The following PHF8 variants were observed in gnomAD, a reference collection of about 807,000 sequenced individuals.
PHF8 encodes histone lysine demethylase PHF8.
In PHF8, 9 loss-of-function variants were observed where a neutral mutation model predicts 74.4. The ratio of observed to expected loss-of-function variants is 0.12; its 90% CI spans 0.07 to 0.21. The LOEUF is 0.21. PHF8 is among the 10% of genes least tolerant of loss of function. The pLI, the probability that PHF8 is intolerant of heterozygous loss-of-function variation, is 1.00. For synonymous variants in PHF8, 311 were observed against 316.6 expected, an observed-to-expected ratio of 0.98 and a Z score of 0.19; for missense variants, 478 against 816.6, an observed-to-expected ratio of 0.59 and a Z score of 5.05.
Position 53,985,001 on chromosome X carries a change from A to C in PHF8, c.2356T>G (p.Trp786Gly). ...TCCTCCTCCTCGCTCTCGGTTCTCCAGTATGCTGGCCGCTTGATGGGCCGC... is the reference window on the plus strand; with the variant it reads ...TCCTCCTCCTCGCTCTCGGTTCTCCCGTATGCTGGCCGCTTGATGGGCCGC... ...GKRPIKRPAY[W>G]RTESEEEEEN... The change falls in exon 18 of 22, where the codon TGG (tryptophan) becomes GGG (glycine). Residue 786 changes from tryptophan (W) to glycine (G), a missense_variant. Trp to Gly is a radical substitution (Grantham distance 184). Coordinates refer to ENST00000338154, the MANE Select transcript of PHF8 (RefSeq NM_015107.3). 8.3e-7 allele frequency: 1 copy of C among 1,210,926 alleles called. No individual in the cohort carries two copies. Among genetic ancestry groups the C allele is most frequent in the Non-Finnish European group, 1.1e-6 (1 of 894,808 alleles).
intron 2 of PHF8, among the ~76,000 whole-genome samples, chrX:54,034,521 T>C (rs1178439431): frequency 9.0e-6 from 1 of 111,581 alleles, no homozygotes; most frequent in Non-Finnish European, 1.9e-5. Context: ...TTGCCAACAC[T>C]TATCCTAAAA....
intron 8 of PHF8, among the ~76,000 whole-genome samples, chrX:54,007,866 C>A (rs1052828107): frequency 1.8e-5 from 2 of 111,849 alleles, no homozygotes; most frequent in Admixed American, 1.9e-4. Context: ...AAGTTAAACA[C>A]AGAGTTACAT....
At chrX:53,973,822 C>T (rs190233215) in intron 18 of PHF8, among the ~76,000 whole-genome samples, 1 of 111,724 alleles carries the variant, frequency 9.0e-6, no homozygotes, top group East Asian at 2.8e-4. Context: ...AGAGCTTCTG[C>T]ACATCAAAAG....
intron 2 of PHF8, among the ~76,000 whole-genome samples, chrX:54,031,892 G>C (rs939294588): frequency 2.2e-4 from 25 of 111,718 alleles, no homozygotes; most frequent in Non-Finnish European, 9.4e-5. Flanking sequence ...CCCATCCCCA[G>C]ACATCTTGAT....
chrX:53,972,899 C>T (rs1180566191), intron 18 of PHF8, among the ~76,000 whole-genome samples: 13 of 111,460 alleles, frequency 1.2e-4, no homozygotes, highest in Non-Finnish European at 2.3e-4. Context: ...TAGAAAACCC[C>T]ATCACCTCAG....
At chrX:53,972,334 A>G (rs1157302868) in intron 18 of PHF8, among the ~76,000 whole-genome samples, 18 of 107,384 alleles carry the variant, frequency 1.7e-4, no homozygotes, top group African/African-American at 6.1e-4. Flanking sequence ...AAAAAAAAAA[A>G]AAAAAAAAAA....
chrX:54,047,579 T>C (rs2066639975), upstream of PHF8, among the ~76,000 whole-genome samples: 1 of 111,893 alleles, frequency 8.9e-6, no homozygotes, highest in Non-Finnish European at 1.9e-5. Flanking sequence ...TTCATTAATA[T>C]GTGAATTTCA....
intron 2 of PHF8, among the ~76,000 whole-genome samples, chrX:54,038,109 T>G (rs1224323981): frequency 8.9e-6 from 1 of 111,940 alleles, no homozygotes; most frequent in Non-Finnish European, 1.9e-5. Flanking sequence ...TTTTCTCCAC[T>G]ATTGTACAGC....
At chrX:53,958,833 A>T (rs1557089778) in intron 19 of PHF8, among the ~76,000 whole-genome samples, 2 of 107,764 alleles carry the variant, frequency 1.9e-5, no homozygotes, top group African/African-American at 6.8e-5. Context: ...CAGGTGGGTA[A>T]GTAGAAGGCT....
chrX:53,952,805 C>A (rs1226062902), intron 19 of PHF8, among the ~76,000 whole-genome samples: 1 of 106,558 alleles, frequency 9.4e-6, no homozygotes, highest in African/African-American at 3.4e-5. Context: ...ATGGCGTGAA[C>A]CCGGGAGGCA....
chrX:53,965,270 C>T (rs1010003367), intron 18 of PHF8, among the ~76,000 whole-genome samples: 4 of 112,284 alleles, frequency 3.6e-5, no homozygotes, highest in African/African-American at 1.3e-4. Context: ...TGTCCCTCCA[C>T]TGAAACAACC....
chrX:53,956,530 A>T (rs1557088726), intron 19 of PHF8, among the ~76,000 whole-genome samples: 1 of 111,968 alleles, frequency 8.9e-6, no homozygotes, highest in African/African-American at 3.2e-5. Flanking sequence ...TTAGATATTT[A>T]AAAATTATGC....
chrX:54,036,571 C>CAAAAAAAAAA, intron 2 of PHF8, among the ~76,000 whole-genome samples: 1 of 6,191 alleles, frequency 1.6e-4, no homozygotes, highest in Non-Finnish European at 3.5e-4. Flanking sequence ...GACACTGTCT[C>CAAAAAAAAAA]AAAAAAAAAA....
At position 53,937,762 on chromosome X, in the gene PHF8, G is replaced by A. The variant is rs1489429515; in HGVS notation, c.*1396C>T. On this transcript the variant is annotated 3_prime_UTR_variant, in exon 22 of 22. Coordinates refer to ENST00000338154, the MANE Select transcript of PHF8 (RefSeq NM_015107.3). ...AGCTATTAAATTCCCCAGAAGCATT[G>A]GGCAAGCTGGGGTGAGGTTGGAGTG... The A allele has an allele frequency of 1.8e-5, 7 of 380,666 alleles. No homozygotes were observed. The highest frequency in any genetic ancestry group is 3.2e-5 in the Non-Finnish European group (7 of 219,184). 31.4% of individuals were successfully genotyped at this position (380,666 alleles called of 1,213,427 possible). A position where few individuals can be genotyped will look rare whatever the true frequency, so the allele number is the denominator to read the frequency against.
At chrX:53,964,821 C>T (rs1319024579) in intron 18 of PHF8, among the ~76,000 whole-genome samples, 3 of 102,055 alleles carry the variant, frequency 2.9e-5, no homozygotes, top group Non-Finnish European at 3.9e-5. Flanking sequence ...GAGCCAAGAT[C>T]GTGCCACTGC....
chrX:54,001,329 AAAAG>A (rs1281095795), intron 10 of PHF8, among the ~76,000 whole-genome samples: 1 of 109,270 alleles, frequency 9.2e-6, no homozygotes, highest in Non-Finnish European at 1.9e-5. Context: ...CATCTCAAAA[AAAAG>A]AAAAAGAAAA....
intron 19 of PHF8, among the ~76,000 whole-genome samples, chrX:53,956,657 A>T (rs1487528533): frequency 9.3e-6 from 1 of 107,336 alleles, no homozygotes; most frequent in African/African-American, 3.4e-5. Flanking sequence ...CAAGCACATT[A>T]TAAGTATAAA....
intron 17 of PHF8, 83 bp downstream of exon 17, chrX:53,985,733 T>C (rs782406471): frequency 5.0e-6 from 6 of 1,198,133 alleles, no homozygotes; most frequent in East Asian, 6.0e-5. Context: ...AAATATCTAC[T>C]GATTGGCTGA....
upstream of PHF8, among the ~76,000 whole-genome samples, chrX:54,047,415 GAACATT>G (rs1557117631): frequency 9.0e-6 from 1 of 111,446 alleles, no homozygotes; most frequent in East Asian, 2.8e-4. Context: ...GGTGTGTGTG[GAACATT>G]AATTCCCTCA....
Sources: gnomAD v4.1 joint callset for allele counts (sites outside exome capture counted in the v4.1 genomes callset) on GRCh38, gnomAD v4.1.1 for gene constraint, MANE v1.5 for transcripts, NCBI Gene and HGNC (gene_info 2026-07-23, HGNC 2026-07-21) for gene names.